Variants in DYSF observed in about 807,000 individuals in gnomAD.
DYSF encodes the protein dystrophy-associated fer-1-like 1.
A neutral mutation model predicts 274.9 loss-of-function variants in DYSF; 212 were observed. That is an observed-to-expected ratio of 0.77 (90% confidence interval 0.69 to 0.86). The LOEUF (loss-of-function observed/expected upper bound fraction) is 0.86, where lower values mean the gene tolerates loss of function less well. Among genes scored for constraint, DYSF ranks in the 40% least tolerant of loss-of-function variants. The pLI, the probability that DYSF is intolerant of heterozygous loss-of-function variation, is 0.00. For missense variants in DYSF, 2,666 were observed against 2,783.2 expected, an observed-to-expected ratio of 0.96 and a Z score of 0.95; for synonymous variants, 1,091 against 1,078.7, an observed-to-expected ratio of 1.01 and a Z score of -0.22.
rs566886712 is a variant in DYSF at position 71,605,697 on chromosome 2, G to A, written c.3957+2892G>A. Among the ~76,000 whole-genome samples, 8 of 152,232 alleles carry A rather than the reference G, an allele frequency of 5.3e-5. No homozygotes were observed. In the South Asian group the frequency reaches 1.7e-3, roughly 32 times the overall value. ...ACCACTCCATCCACCCATCCAGGCT[G>A]CAGGGTATATGGCTTTTACTCTAAG... On this transcript the variant is annotated intron_variant, in intron 36 of 55. Coordinates refer to ENST00000410020, the MANE Select transcript of DYSF (RefSeq NM_001130987.2).
At chr2:71,672,307 C>T in intron 51 of DYSF, among the ~76,000 whole-genome samples, 1 of 152,176 alleles carries the variant, frequency 6.6e-6, no homozygotes, top group Non-Finnish European at 1.5e-5. Flanking sequence ...CTGGGTTGGG[C>T]TGAAGGATCG....
chr2:71,684,458 G>T (rs911170477), intron 55 of DYSF, among the ~76,000 whole-genome samples: 5 of 152,244 alleles, frequency 3.3e-5, no homozygotes, highest in African/African-American at 1.2e-4. Flanking sequence ...GTGCGTCTGG[G>T]AGGTAAGGGC....
rs1169519723 is a variant in DYSF, at chr2:71,600,738, C to T, written c.3793C>T (p.Pro1265Ser). The change falls in exon 34 of 56, where the codon CCG (proline) becomes TCG (serine). Residue 1265 changes from proline (P) to serine (S), a missense_variant. By Grantham distance (74) the Pro-to-Ser change is moderately conservative. Coordinates refer to ENST00000410020, the MANE Select transcript of DYSF (RefSeq NM_001130987.2). ...GTTTATGGGTCGCTGCATCTGTCAA[C>T]CGAGTCTGGAACGGATGCCACGGCT... ...DEFMGRCICQPSLERMPRLAW... is the reference protein window; with the variant it reads ...DEFMGRCICQSSLERMPRLAW... 10 of 1,614,158 alleles carry T rather than the reference C, an allele frequency of 6.2e-6. No individual in the cohort carries two copies. The highest frequency in any genetic ancestry group is 2.2e-5 in the East Asian group (1 of 44,880).
In DYSF at chr2:71,603,301, G is replaced by A. The variant is rs374797876; in HGVS notation, c.3957+496G>A. On this transcript the variant is annotated intron_variant, in intron 36 of 55. Transcript: ENST00000410020. ...CGAGCTGGGGACCTCCTAGGGACGG[G>A]AAGAAGTTTAGAGTTTGCATTTAGA... Among the ~76,000 whole-genome samples, 4 of 152,196 alleles carry A rather than the reference G, an allele frequency of 2.6e-5. No homozygotes were observed. In the East Asian group the frequency reaches 7.7e-4, roughly 29 times the overall value.
intron 41 of DYSF, among the ~76,000 whole-genome samples, chr2:71,627,550 T>C (rs2152904313): frequency 6.6e-6 from 1 of 152,256 alleles, no homozygotes; most frequent in East Asian, 1.9e-4. Context: ...AAAGAATGTG[T>C]ATTGTCCAGA....
chr2:71,588,229 A>G (rs1339257932), intron 30 of DYSF, among the ~76,000 whole-genome samples: 1 of 152,064 alleles, frequency 6.6e-6, no homozygotes, highest in African/African-American at 2.4e-5. Flanking sequence ...GGGGGTCTGA[A>G]TGGGAGAAGG....
chr2:71,490,158 T>A (rs991155819), intron 3 of DYSF, among the ~76,000 whole-genome samples: 5 of 152,132 alleles, frequency 3.3e-5, no homozygotes, highest in African/African-American at 9.7e-5. Flanking sequence ...TGCATTTTTT[T>A]AAATTTAAAA....
chr2:71,511,098 C>T (rs544077006), intron 4 of DYSF, among the ~76,000 whole-genome samples: 12 of 150,794 alleles, frequency 8.0e-5, no homozygotes, highest in Admixed American at 5.9e-4. Context: ...GAGGTTGTGC[C>T]GTTCCCAGGT....
At chr2:71,645,726 T>A (rs2094557936) in intron 42 of DYSF, among the ~76,000 whole-genome samples, 1 of 152,060 alleles carries the variant, frequency 6.6e-6, no homozygotes, top group African/African-American at 2.4e-5. Flanking sequence ...CCGTTCTGTA[T>A]CAGTTATTTA....
chr2:71,554,067 G>T, intron 21 of DYSF, 136 bp downstream of exon 21: 1 of 1,350,222 alleles, frequency 7.4e-7, no homozygotes, highest in Non-Finnish European at 1.0e-6. Context: ...TGTGGTTGGT[G>T]TCCTCTGTGC....
chr2:71,588,232 G>A (rs72827574), intron 30 of DYSF, among the ~76,000 whole-genome samples: 4,354 of 152,288 alleles, frequency 0.029, 75 homozygotes, highest in Middle Eastern at 0.088. Context: ...GGTCTGAATG[G>A]GAGAAGGCTG....
At chr2:71,662,583 A>G (rs969767652) in intron 45 of DYSF, among the ~76,000 whole-genome samples, 1 of 146,710 alleles carries the variant, frequency 6.8e-6, no homozygotes, top group African/African-American at 2.5e-5. Context: ...GTGTGTATAC[A>G]TGTGTGTAGG....
At chr2:71,620,484 T>C in intron 40 of DYSF, 63 bp from the exon 41 acceptor site, 1 of 1,523,952 alleles carries the variant, frequency 6.6e-7, no homozygotes, top group Non-Finnish European at 8.9e-7. Flanking sequence ...TCTTGGAGAC[T>C]GTCCAGCCTT....
At chr2:71,523,137 T>C (rs968325322) in intron 12 of DYSF, among the ~76,000 whole-genome samples, 4 of 152,240 alleles carry the variant, frequency 2.6e-5, no homozygotes, top group Non-Finnish European at 5.9e-5. Flanking sequence ...CCCAGGCTCC[T>C]GGTCTTTTCT....
chr2:71,493,483 G>T (rs1004591102), intron 3 of DYSF, among the ~76,000 whole-genome samples: 1 of 152,184 alleles, frequency 6.6e-6, no homozygotes, highest in Non-Finnish European at 1.5e-5. Flanking sequence ...AAAGATATTT[G>T]TGAGGGAATA....
intron 6 of DYSF, 62 bp from the exon 7 acceptor site, chr2:71,513,654 A>G: frequency 6.4e-7 from 1 of 1,565,876 alleles, no homozygotes; most frequent in Non-Finnish European, 8.8e-7. Flanking sequence ...GCTGGGTCCC[A>G]GGGGCAGGGG....
intron 17 of DYSF, among the ~76,000 whole-genome samples, chr2:71,549,611 TC>T (rs965597369): frequency 9.4e-5 from 14 of 149,172 alleles, no homozygotes; most frequent in Admixed American, 6.7e-5. Flanking sequence ...TCCTCCCACT[TC>T]CCCCAACCCT....
chr2:71,577,351 A>G (rs1404688298), intron 30 of DYSF, among the ~76,000 whole-genome samples: 2 of 151,530 alleles, frequency 1.3e-5, no homozygotes, highest in African/African-American at 2.4e-5. Flanking sequence ...ATACACACCA[A>G]TAAGCACACT....
At chr2:71,462,653 A>G (rs1056185219), upstream of DYSF, among the ~76,000 whole-genome samples, 1 of 152,226 alleles carries the variant, frequency 6.6e-6, no homozygotes. Context: ...GTGACAGAAC[A>G]GCTCTCAGGA....
Sources: allele counts gnomAD v4.1 joint callset (sites outside exome capture counted in the v4.1 genomes callset), GRCh38; gene constraint gnomAD v4.1.1; transcripts MANE v1.5; gene names NCBI Gene and HGNC (gene_info 2026-07-23, HGNC 2026-07-21).